EVC2: variants seen among roughly 807,000 people sequenced by gnomAD.
The protein encoded by EVC2 is EvC ciliary complex subunit 2.
A neutral mutation model predicts 149.3 loss-of-function variants in EVC2; 148 were observed. That is an observed-to-expected ratio of 0.99 (90% CI 0.87 to 1.14). EVC2 has a LOEUF of 1.14. Ranked by LOEUF, EVC2 falls within the 50% of genes most tolerant of loss-of-function variation. The pLI is 0.00. For missense variants in EVC2, 1,854 were observed against 1,627.3 expected, an observed-to-expected ratio of 1.14 and a Z score of -2.40; for synonymous variants, 776 against 649.9, an observed-to-expected ratio of 1.19 and a Z score of -2.95.
At position 5,615,475 on chromosome 4, in the gene EVC2, C is replaced by T. The variant is rs761946397; in HGVS notation, c.2776G>A (p.Glu926Lys). Residue 926 changes from glutamate to lysine, a missense_variant, in exon 16 of 22, where the codon GAA becomes AAA. By Grantham distance (56) the Glu-to-Lys change is moderately conservative (BLOSUM62 1). Coordinates refer to ENST00000344408, the MANE Select transcript of EVC2 (RefSeq NM_147127.5). ...SKGELLKKCI[E>K]DKIHLCEEQA... Reference sequence around the variant, plus strand: ...TCCTCACAGAGGTGAATTTTGTCTTCGATGCACTTCTTCAGAAGCTCTCCC... The same window carrying T: ...TCCTCACAGAGGTGAATTTTGTCTTTGATGCACTTCTTCAGAAGCTCTCCC... 1.6e-5 allele frequency: 26 copies of T among 1,614,180 alleles called. No homozygotes were observed. The Middle Eastern group carries it at 4.9e-4, about 31-fold the overall frequency.
chr4:5,625,973 T>A lies in EVC2; in HGVS notation c.1887-65A>T, dbSNP rs1716079152. On this transcript the variant is annotated intron_variant, in intron 12 of 21. Coordinates refer to ENST00000344408, the MANE Select transcript of EVC2 (RefSeq NM_147127.5). This position sits in a 1 kb window ranked among gnomAD's most constrained non-coding sequence, Gnocchi z 4.0. Reference sequence around the variant, plus strand: ...AACTCACCTGTAGCTTAACTGCTATTGTGCCTGAACATTCATCTCCATATT... The same window carrying A: ...AACTCACCTGTAGCTTAACTGCTATAGTGCCTGAACATTCATCTCCATATT... 6.3e-7 allele frequency: 1 copy of A among 1,591,634 alleles called. No homozygotes were observed. The highest frequency in any genetic ancestry group is 2.2e-5 in the East Asian group (1 of 44,756).
At chr4:5,659,542 A>C (rs1012578227) in intron 9 of EVC2, among the ~76,000 whole-genome samples, 3 of 152,158 alleles carry the variant, frequency 2.0e-5, no homozygotes, top group African/African-American at 7.2e-5. Flanking sequence ...GAGAGGAATG[A>C]ATTTAGCTCA....
chr4:5,557,313 G>GA (rs907430547), intron 21 of EVC2, among the ~76,000 whole-genome samples: 2 of 152,032 alleles, frequency 1.3e-5, no homozygotes, highest in African/African-American at 4.8e-5. Context: ...ACGGGCTAAA[G>GA]AAAAAATCCT....
At position 5,694,330 on chromosome 4, in the gene EVC2, C is replaced by A. The variant is rs994519051; in HGVS notation, c.450+5G>T. On this transcript the variant is annotated splice_donor_5th_base_variant and intron_variant, in intron 3 of 21. Transcript: ENST00000344408. ...TTGTGTTAAAGCATTGAACTTAATA[C>A]TTACCAGGCGGTGTGTTATAGGAGA... 1.2e-6 allele frequency: 2 copies of A among 1,613,756 alleles called. No individual in the cohort carries two copies. The highest frequency in any genetic ancestry group is 1.7e-6 in the Non-Finnish European group (2 of 1,179,864).
At chr4:5,574,839 T>C in intron 18 of EVC2, 67 bp from the exon 19 acceptor site, 1 of 1,468,512 alleles carries the variant, frequency 6.8e-7, no homozygotes, top group Non-Finnish European at 9.5e-7. Flanking sequence ...GATCATCTAG[T>C]TATTTAAATA....
chr4:5,700,769 G>C (rs1001216619), intron 1 of EVC2, among the ~76,000 whole-genome samples: 5 of 152,170 alleles, frequency 3.3e-5, no homozygotes, highest in Non-Finnish European at 7.3e-5. Context: ...CCAATGGCCA[G>C]CCTGCCCCTC....
Position 5,674,541 on chromosome 4 carries a change from T to C in EVC2, c.870+6719A>G, listed in dbSNP as rs146081566. ...AGGCTTTAATAAATGATCCAATGCA[T>C]AGGACCCCAGCCAAGGGCACAACTA... On this transcript the variant is annotated intron_variant, in intron 7 of 21. Transcript: ENST00000344408. 7.8e-3 allele frequency among the ~76,000 whole-genome samples: 1,192 copies of C among 152,214 alleles called. 8 individuals are homozygous for C. Among genetic ancestry groups the C allele is most frequent in the Middle Eastern group, 0.031 (9 of 294 alleles).
intron 16 of EVC2, among the ~76,000 whole-genome samples, chr4:5,586,407 C>G (rs921234377): frequency 1.3e-5 from 2 of 151,914 alleles, no homozygotes; most frequent in Admixed American, 6.6e-5. Flanking sequence ...AAATTCTAAG[C>G]CCCCCCTCAA....
chr4:5,651,174 G>A (rs148249374), intron 9 of EVC2, among the ~76,000 whole-genome samples: 1 of 152,216 alleles, frequency 6.6e-6, no homozygotes, highest in African/African-American at 2.4e-5. Context: ...GAATGCACGG[G>A]TAGGCGAATA....
At chr4:5,597,594 A>C in intron 16 of EVC2, among the ~76,000 whole-genome samples, 1 of 151,210 alleles carries the variant, frequency 6.6e-6, no homozygotes, top group African/African-American at 2.4e-5. Flanking sequence ...ATCTATGACA[A>C]ACCCACAGCC....
Position 5,614,651 on chromosome 4 carries a change from AG to A in EVC2, c.2829+770del, listed in dbSNP as rs1715098404. 6.6e-6 allele frequency among the ~76,000 whole-genome samples: 1 copy of A among 152,150 alleles called. No individual in the cohort carries two copies. Among genetic ancestry groups the A allele is most frequent in the Non-Finnish European group, 1.5e-5 (1 of 68,042 alleles). On this transcript the variant is annotated intron_variant, in intron 16 of 21. Transcript: ENST00000344408. The surrounding 1 kb of genome is among the most constrained non-coding windows in gnomAD (Gnocchi z 4.7). ...AGAATACAGATTAAAGCATCCTAGG[AG>A]ACTGTGTGGTGTGTGCTAGAACATC...
intron 17 of EVC2, among the ~76,000 whole-genome samples, 199 bp downstream of exon 17, chr4:5,584,424 C>G (rs934640049): frequency 8.5e-5 from 13 of 152,334 alleles, no homozygotes; most frequent in Middle Eastern, 3.4e-3. Flanking sequence ...AGGGTTGCTT[C>G]TCAGAGCAAT....
At chr4:5,545,012 C>T (rs1721586362) in intron 21 of EVC2, among the ~76,000 whole-genome samples, 1 of 152,192 alleles carries the variant, frequency 6.6e-6, no homozygotes, top group South Asian at 2.1e-4. Flanking sequence ...CCTTCACTGA[C>T]ACAGCCTGCT....
intron 11 of EVC2, among the ~76,000 whole-genome samples, chr4:5,629,939 T>A (rs1282654754): frequency 2.0e-5 from 3 of 152,236 alleles, no homozygotes; most frequent in Non-Finnish European, 4.4e-5. Flanking sequence ...CCTGTGGAGT[T>A]ACTTTCTGGC....
rs144093697 is a variant in EVC2, at chr4:5,685,497, C to T, written c.707-18G>A. On this transcript the variant is annotated intron_variant, in intron 5 of 21. Transcript: ENST00000344408. ...ATCTCCCACTGCGCAGAGAAAAGCACATGTGACTCAGGGAGGGCTTGGCCA... is the reference window on the plus strand; with the variant it reads ...ATCTCCCACTGCGCAGAGAAAAGCATATGTGACTCAGGGAGGGCTTGGCCA... 1,577 of 1,611,604 alleles carry T rather than the reference C, an allele frequency of 9.8e-4. 2 individuals are homozygous for T. Among genetic ancestry groups the T allele is most frequent in the African/African-American group, 1.6e-3 (120 of 75,020 alleles).
chr4:5,708,101 C>T (rs916749503), intron 1 of EVC2, 185 bp downstream of exon 1: 2 of 488,930 alleles, frequency 4.1e-6, no homozygotes, highest in African/African-American at 2.0e-5. Flanking sequence ...GGAAGGTCTC[C>T]AGTTTCCCTC....
At chr4:5,577,414 C>T (rs1392787664) in intron 17 of EVC2, among the ~76,000 whole-genome samples, 5 of 152,294 alleles carry the variant, frequency 3.3e-5, no homozygotes, top group South Asian at 2.1e-4. Flanking sequence ...AATGCAGGCA[C>T]ATTTAACCCA....
In EVC2 at chr4:5,650,671, A is replaced by AGAGC. The variant is rs35334619; in HGVS notation, c.1146-9834_1146-9833insGCTC. On this transcript the variant is annotated intron_variant, in intron 9 of 21. Coordinates refer to ENST00000344408, the MANE Select transcript of EVC2 (RefSeq NM_147127.5). ...GAGAGAGAGAGAGAGAGAGAGAGAG[A>AGAGC]GCCATTTAATCATCACAAAAAAATC... Among the ~76,000 whole-genome samples the AGAGC allele has an allele frequency of 6.5e-3, 666 of 101,792 alleles. 6 individuals are homozygous for AGAGC. The highest frequency in any genetic ancestry group is 7.4e-3 in the African/African-American group (192 of 25,878). 66.8% of individuals were successfully genotyped at this position (101,792 alleles called of 152,430 possible).
At position 5,596,880 on chromosome 4, in the gene EVC2, G is replaced by A. The variant is rs566610279; in HGVS notation, c.2830-12030C>T. Among the ~76,000 whole-genome samples, 19 of 152,206 alleles carry A rather than the reference G, an allele frequency of 1.2e-4. 1 individual carries two copies. The South Asian group carries it at 3.7e-3, about 30-fold the overall frequency. ...ACACGCAATAAAAAATGATAAAGGG[G>A]ATATCACCACCGATCCCATAGAAAT... On this transcript the variant is annotated intron_variant, in intron 16 of 21. Transcript: ENST00000344408.
Sources: allele counts gnomAD v4.1 joint callset (sites outside exome capture counted in the v4.1 genomes callset), GRCh38; gene constraint gnomAD v4.1.1; non-coding constraint Gnocchi (gnomAD v3.1); transcripts MANE v1.5; gene names NCBI Gene and HGNC (gene_info 2026-07-23, HGNC 2026-07-21).